NCOA1: variants seen among roughly 807,000 people sequenced by gnomAD.
NCOA1 encodes Hin-2 protein.
A neutral mutation model predicts 150.9 loss-of-function variants in NCOA1; 35 were observed. That is an observed-to-expected ratio of 0.23 (90% CI 0.18 to 0.31). NCOA1 has a LOEUF of 0.31. Among genes scored for constraint, NCOA1 ranks in the 10% least tolerant of loss-of-function variants. The pLI, the probability that NCOA1 is intolerant of heterozygous loss-of-function variation, is 1.00. For missense variants in NCOA1, 1,491 were observed against 1,749.3 expected (o/e 0.85, Z 2.63); for synonymous variants, 590 against 630.0 (o/e 0.94, Z 0.95).
intron 18 of NCOA1, among the ~76,000 whole-genome samples, chr2:24,740,388 GTGTATAGCCTATTGCTCC>G (rs1311779706): frequency 6.6e-6 from 1 of 152,200 alleles, no homozygotes; most frequent in Non-Finnish European, 1.5e-5. Context: ...TCCTGGCTAT[GTGTATAGCCTATTGCTCC>G]TAGGCTATAA....
At chr2:24,642,336 T>TA (rs1491144210) in intron 3 of NCOA1, among the ~76,000 whole-genome samples, 4 of 139,978 alleles carry the variant, frequency 2.9e-5, no homozygotes, top group African/African-American at 7.6e-5. Flanking sequence ...TATATATATA[T>TA]TTTTTAAAAT....
intron 7 of NCOA1, among the ~76,000 whole-genome samples, chr2:24,675,757 C>T (rs1376423938): frequency 2.0e-5 from 3 of 152,078 alleles, no homozygotes; most frequent in Non-Finnish European, 4.4e-5. Context: ...TGGTGGTGAG[C>T]GCCTGTAATC....
At chr2:24,632,456 A>T (rs527514713) in intron 3 of NCOA1, among the ~76,000 whole-genome samples, 2 of 152,302 alleles carry the variant, frequency 1.3e-5, no homozygotes, top group East Asian at 3.9e-4. Context: ...CCATCCTGAC[A>T]AGTGGGAGGC....
At chr2:24,669,695 A>T (rs1671597493) in intron 6 of NCOA1, among the ~76,000 whole-genome samples, 1 of 152,240 alleles carries the variant, frequency 6.6e-6, no homozygotes, top group South Asian at 2.1e-4. Flanking sequence ...TAATTTAAAA[A>T]TAAAGACCCT....
chr2:24,769,143 TTAAATC>T lies in NCOA1; in HGVS notation c.*754_*759del, dbSNP rs1420507580. The T allele has an allele frequency of 1.5e-5, 3 of 205,416 alleles. No homozygotes were observed. The highest frequency in any genetic ancestry group is 6.8e-5 in the African/African-American group (3 of 43,802). 12.7% of individuals were successfully genotyped at this position (205,416 alleles called of 1,614,324 possible). On this transcript the variant is annotated 3_prime_UTR_variant, in exon 23 of 23. Coordinates refer to ENST00000348332, the MANE Select transcript of NCOA1 (RefSeq NM_003743.5). ...AATTATTGTAGATACAATTTTCTGA[TTAAATC>T]TGGAAAAATAAAAGGCAGCCTGTTT...
At chr2:24,502,431 G>A (rs866465029) in intron 1 of NCOA1, among the ~76,000 whole-genome samples, 3 of 152,070 alleles carry the variant, frequency 2.0e-5, no homozygotes, top group South Asian at 2.1e-4. Context: ...AATTGGTCAA[G>A]CAAAGTGGTC....
intron 1 of NCOA1, among the ~76,000 whole-genome samples, chr2:24,542,963 A>G (rs935440968): frequency 6.6e-6 from 1 of 152,224 alleles, no homozygotes; most frequent in East Asian, 1.9e-4. Flanking sequence ...GAAACTCAAA[A>G]GTATTTAAGC....
chr2:24,736,750 A>G (rs982362961), intron 17 of NCOA1, among the ~76,000 whole-genome samples: 9 of 152,120 alleles, frequency 5.9e-5, no homozygotes, highest in African/African-American at 2.2e-4. Context: ...TGCATTAAGG[A>G]TGTTTAGCAG....
At chr2:24,642,289 C>A (rs1670266113) in intron 3 of NCOA1, among the ~76,000 whole-genome samples, 1 of 149,694 alleles carries the variant, frequency 6.7e-6, no homozygotes, top group South Asian at 2.1e-4. Flanking sequence ...GCCAGTATTT[C>A]TCATGTGTTT....
intron 1 of NCOA1, among the ~76,000 whole-genome samples, chr2:24,521,997 G>GC (rs1664435281): frequency 6.7e-6 from 1 of 150,242 alleles, no homozygotes; most frequent in African/African-American, 2.5e-5. Flanking sequence ...TATTCTCCCC[G>GC]CCCCCCATAC....
At chr2:24,624,244 A>C (rs922226868) in intron 3 of NCOA1, among the ~76,000 whole-genome samples, 1 of 152,208 alleles carries the variant, frequency 6.6e-6, no homozygotes, top group African/African-American at 2.4e-5. Flanking sequence ...GGTAACTCAT[A>C]TTAATTAAAC....
At chr2:24,574,766 G>A (rs1441475308) in intron 2 of NCOA1, among the ~76,000 whole-genome samples, 1 of 152,098 alleles carries the variant, frequency 6.6e-6, no homozygotes, top group Non-Finnish European at 1.5e-5. Flanking sequence ...GTAGGGTACA[G>A]AATTTGAGGT....
At chr2:24,497,473 C>T (rs1055318784) in intron 1 of NCOA1, among the ~76,000 whole-genome samples, 1 of 151,890 alleles carries the variant, frequency 6.6e-6, no homozygotes, top group Non-Finnish European at 1.5e-5. Context: ...GTCAGGAGTT[C>T]GAGACCTGGC....
At chr2:24,525,872 A>C (rs761226289) in intron 1 of NCOA1, among the ~76,000 whole-genome samples, 6 of 152,040 alleles carry the variant, frequency 3.9e-5, no homozygotes, top group Non-Finnish European at 5.9e-5. Context: ...TCTAATAATC[A>C]TCCTTAGGTC....
At chr2:24,680,534 G>A (rs940775224) in intron 7 of NCOA1, among the ~76,000 whole-genome samples, 8 of 152,150 alleles carry the variant, frequency 5.3e-5, no homozygotes, top group African/African-American at 1.9e-4. Flanking sequence ...CAAACTCATA[G>A]GAGAGAGTAG....
intron 4 of NCOA1, among the ~76,000 whole-genome samples, chr2:24,653,968 TTTATTGCA>T (rs946975471): frequency 2.0e-5 from 3 of 152,202 alleles, no homozygotes; most frequent in African/African-American, 7.2e-5. Context: ...TTATTACAAA[TTTATTGCA>T]TTATTTCATT....
At position 24,706,185 on chromosome 2, in the gene NCOA1, T is replaced by G. The variant is rs891673326; in HGVS notation, c.1098-383T>G. Among the ~76,000 whole-genome samples the G allele has an allele frequency of 3.9e-4, 60 of 152,156 alleles. 1 individual carries two copies. Among genetic ancestry groups the G allele is most frequent in the African/African-American group, 1.2e-3 (49 of 41,444 alleles). ...AAACAGAGGTGTGAGAAGTTTATTT[T>G]TCAACCAAAAAATTATTATAATGTT... On this transcript the variant is annotated intron_variant, in intron 12 of 22. Transcript: ENST00000348332.
chr2:24,725,715 G>A (rs1437782951), intron 14 of NCOA1, among the ~76,000 whole-genome samples: 1 of 4,880 alleles, frequency 2.0e-4, no homozygotes, highest in African/African-American at 2.7e-4. Flanking sequence ...TAAAGTGTGC[G>A]TGTGTGTGTG....
intron 17 of NCOA1, among the ~76,000 whole-genome samples, chr2:24,736,236 A>G (rs1663295736): frequency 7.3e-6 from 1 of 136,284 alleles, no homozygotes; most frequent in South Asian, 2.2e-4. Flanking sequence ...AAAAAAAAAA[A>G]AGAAAAAGAA....
Sources: gnomAD v4.1 joint callset for allele counts (sites outside exome capture counted in the v4.1 genomes callset) on GRCh38, gnomAD v4.1.1 for gene constraint, MANE v1.5 for transcripts, NCBI Gene and HGNC (gene_info 2026-07-23, HGNC 2026-07-21) for gene names.